SASH1: variants seen among roughly 807,000 people sequenced by gnomAD.
SASH1 encodes the protein SAM and SH3 domain-containing protein 1.
SASH1 carries 44 observed loss-of-function variants against 125.2 expected under a neutral mutation model. That is an observed-to-expected ratio of 0.35 (90% CI 0.28 to 0.45). The LOEUF (loss-of-function observed/expected upper bound fraction) is 0.45, where lower values mean the gene tolerates loss of function less well. SASH1 is among the 20% of genes least tolerant of loss of function. The pLI, the probability that SASH1 is intolerant of heterozygous loss-of-function variation, is 1.00. For missense variants in SASH1, 1,426 were observed against 1,614.5 expected, an observed-to-expected ratio of 0.88 and a Z score of 2.00; for synonymous variants, 639 against 649.1, an observed-to-expected ratio of 0.98 and a Z score of 0.24.
At position 148,537,372 on chromosome 6, in the gene SASH1, A is replaced by G. The variant is rs193065172; in HGVS notation, c.2095+2471A>G. On this transcript the variant is annotated intron_variant, in intron 16 of 19. Coordinates refer to ENST00000367467, the MANE Select transcript of SASH1 (RefSeq NM_015278.5). Reference sequence around the variant, plus strand: ...TCCTTACGCCAAGCCCAGACCCACTATCTTAGGTCTGGCAAATGAAAGCCT... The same window carrying G: ...TCCTTACGCCAAGCCCAGACCCACTGTCTTAGGTCTGGCAAATGAAAGCCT... Among the ~76,000 whole-genome samples, 6 of 152,334 alleles carry G rather than the reference A, an allele frequency of 3.9e-5. No individual in the cohort carries two copies. The East Asian group carries it at 1.2e-3, about 29-fold the overall frequency.
At chr6:148,229,283 TAAC>T in the SASH1 span, among the ~76,000 whole-genome samples, 2 of 152,160 alleles carry the variant, frequency 1.3e-5, no homozygotes, top group African/African-American at 4.8e-5. Context: ...TGCCCTGGCT[TAAC>T]AACAACTCAC....
the SASH1 span, among the ~76,000 whole-genome samples, chr6:148,226,871 T>G: frequency 6.6e-6 from 1 of 152,178 alleles, no homozygotes; most frequent in African/African-American, 2.4e-5. Flanking sequence ...GTTATATGTC[T>G]CTGCCTACAA....
intron 2 of SASH1, among the ~76,000 whole-genome samples, chr6:148,415,055 C>A (rs1385390550): frequency 6.6e-6 from 1 of 152,194 alleles, no homozygotes; most frequent in Non-Finnish European, 1.5e-5. Context: ...CAACATGAGT[C>A]ACCACCATCG....
At chr6:148,233,913 C>CAA in the SASH1 span, among the ~76,000 whole-genome samples, 2 of 114,900 alleles carry the variant, frequency 1.7e-5, no homozygotes, top group Non-Finnish European at 3.7e-5. Context: ...ACTCTGTTTC[C>CAA]AAAAAAAAAA....
intron 2 of SASH1, among the ~76,000 whole-genome samples, chr6:148,427,670 C>G (rs746971371): frequency 5.9e-5 from 9 of 152,154 alleles, no homozygotes; most frequent in Non-Finnish European, 1.0e-4. Context: ...GTGGGAGCAC[C>G]AAGCTTGACC....
chr6:148,230,349 CT>C, the SASH1 span, among the ~76,000 whole-genome samples: 4 of 147,518 alleles, frequency 2.7e-5, no homozygotes, highest in Admixed American at 6.8e-5. Flanking sequence ...TTTTTCTTTT[CT>C]TTTTTTTTTC....
At chr6:148,410,205 G>T (rs1784566147) in intron 2 of SASH1, among the ~76,000 whole-genome samples, 1 of 143,782 alleles carries the variant, frequency 7.0e-6, no homozygotes, top group Non-Finnish European at 1.5e-5. Flanking sequence ...CCGCCTCCCG[G>T]GTTCAAGCAA....
the SASH1 span, among the ~76,000 whole-genome samples, chr6:148,242,907 T>G: frequency 5.9e-5 from 9 of 152,328 alleles, no homozygotes; most frequent in African/African-American, 2.2e-4. Flanking sequence ...GTTCTCCAGT[T>G]TATTGGCACT....
chr6:148,422,678 A>T (rs1396268361), intron 2 of SASH1, among the ~76,000 whole-genome samples: 2 of 152,206 alleles, frequency 1.3e-5, no homozygotes, highest in African/African-American at 4.8e-5. Context: ...TAATTTATAG[A>T]GTAAGTCATT....
chr6:148,543,968 C>T lies in SASH1; in HGVS notation c.2498C>T (p.Thr833Ile), dbSNP rs376681996. The T allele has an allele frequency of 7.4e-6, 12 of 1,613,996 alleles. No individual in the cohort carries two copies. In the East Asian group the frequency reaches 1.8e-4, roughly 24 times the overall value. Residue 833 changes from threonine (T) to isoleucine (I), a missense_variant, in exon 18 of 20, where the codon ACT becomes ATT. This residue lies in a region of SASH1 where 634 missense variants were observed against 694.4 expected (regional missense o/e 0.91). Transcript: ENST00000367467. ...CTGGAGGGCCCCCAGACTGTGGACA[C>T]TTGGCCCCGATCCCATTCCCTGGAT... ...ETLEGPQTVD[T>I]WPRSHSLDDL...
At chr6:148,237,180 T>C in the SASH1 span, among the ~76,000 whole-genome samples, 1 of 145,342 alleles carries the variant, frequency 6.9e-6, no homozygotes, top group Non-Finnish European at 1.5e-5. Context: ...AGGTTTTATC[T>C]GCATTTTTTT....
chr6:148,366,971 C>CTTTTTTT (rs10676946), intron 1 of SASH1, among the ~76,000 whole-genome samples: 1 of 125,314 alleles, frequency 8.0e-6, no homozygotes, highest in Non-Finnish European at 1.6e-5. Flanking sequence ...TAGTGGGTAG[C>CTTTTTTT]TTTTTTTTTT....
the SASH1 span, among the ~76,000 whole-genome samples, chr6:148,232,427 T>G: frequency 2.0e-5 from 3 of 152,066 alleles, no homozygotes; most frequent in African/African-American, 7.2e-5. Context: ...TCTAGGTGAG[T>G]CAAGGATAAC....
rs1251482480 is a variant in SASH1, at chr6:148,390,151, C to T, written c.174C>T (p.Asn58=). The T allele has an allele frequency of 5.0e-6, 8 of 1,613,348 alleles. No individual in the cohort carries two copies. Among genetic ancestry groups the T allele is most frequent in the African/African-American group, 4.0e-5 (3 of 74,896 alleles). Residue 58 remains asparagine, a synonymous_variant, in exon 2 of 20, where the codon AAC becomes AAT. Coordinates refer to ENST00000367467, the MANE Select transcript of SASH1 (RefSeq NM_015278.5). ...CCCTTCAGGACGGTTCACTGGGAAA[C>T]ATCGATGACCTGGCGCAGCAGTATG... ...VMGILDGSLG[N]IDDLAQQYAD...
At chr6:148,466,343 C>G (rs778133461) in intron 4 of SASH1, among the ~76,000 whole-genome samples, 1 of 152,158 alleles carries the variant, frequency 6.6e-6, no homozygotes. Context: ...TGCACTCAGC[C>G]GTGGAGAATG....
chr6:148,455,036 G>A (rs1226047711), intron 4 of SASH1, among the ~76,000 whole-genome samples: 1 of 152,174 alleles, frequency 6.6e-6, no homozygotes, highest in Non-Finnish European at 1.5e-5. Flanking sequence ...CTCACTTGCA[G>A]TATTGCTTAT....
chr6:148,432,947 G>A (rs2114982237), intron 2 of SASH1, among the ~76,000 whole-genome samples: 1 of 152,302 alleles, frequency 6.6e-6, no homozygotes, highest in African/African-American at 2.4e-5. Flanking sequence ...GTCCCTTTTA[G>A]TGTGGCTGTA....
intron 2 of SASH1, among the ~76,000 whole-genome samples, chr6:148,413,351 A>G (rs1784698593): frequency 1.3e-5 from 2 of 152,186 alleles, no homozygotes; most frequent in African/African-American, 4.8e-5. Context: ...AAATGAGGAA[A>G]CGAACAGAAG....
Position 148,548,342 on chromosome 6 carries a change from T to C in SASH1, c.3528T>C (p.Pro1176=). ...LTEICRKPVS[P]GCISSVSDWL... ...AAATCTGCCGAAAGCCCGTCTCTCC[T>C]GGGTGCATTTCGTCTGTGTCAGATT... The change falls in exon 20 of 20, where the codon CCT becomes CCC. Residue 1176 remains proline (P), a synonymous_variant. Transcript: ENST00000367467. 1.9e-6 allele frequency: 3 copies of C among 1,614,230 alleles called. No homozygotes were observed. Among genetic ancestry groups the C allele is most frequent in the Non-Finnish European group, 2.5e-6 (3 of 1,180,022 alleles).
Sources: gnomAD v4.1 joint callset for allele counts (sites outside exome capture counted in the v4.1 genomes callset) on GRCh38, gnomAD v4.1.1 for gene constraint, gnomAD v4.1.1 regional missense constraint, MANE v1.5 for transcripts, NCBI Gene and HGNC (gene_info 2026-07-23, HGNC 2026-07-21) for gene names.